Variants in STXBP6 observed in about 807,000 individuals in gnomAD.
STXBP6 encodes syntaxin binding protein 6, also known as syntaxin-binding protein 6.
In STXBP6, 21 loss-of-function variants were observed where a neutral mutation model predicts 26.9. The ratio of observed to expected loss-of-function variants is 0.78; its 90% CI spans 0.55 to 1.12. STXBP6 has a LOEUF of 1.12. Among genes scored for constraint, STXBP6 ranks in the 50% most tolerant of loss-of-function variants. The probability of loss-of-function intolerance (pLI) is 0.00; values close to 1 mark genes in which losing one functional copy is unlikely to be tolerated. For synonymous variants in STXBP6, 97 were observed against 92.6 expected, an observed-to-expected ratio of 1.05 and a Z score of -0.27; for missense variants, 232 against 257.9, an observed-to-expected ratio of 0.90 and a Z score of 0.69.
intron 1 of STXBP6, among the ~76,000 whole-genome samples, chr14:25,015,817 TC>T (rs1487117739): frequency 6.8e-6 from 1 of 147,772 alleles, no homozygotes; most frequent in Admixed American, 6.7e-5. Context: ...AAAAAAAAGC[TC>T]AAACTGCTAC....
At chr14:24,855,876 CT>C in intron 4 of STXBP6, 59 bp downstream of exon 4, 1 of 1,501,504 alleles carries the variant, frequency 6.7e-7, no homozygotes, top group Non-Finnish European at 8.9e-7. Context: ...CTCCTAACTT[CT>C]TAAGTAAAAG....
chr14:25,044,450 GC>G (rs1281088973), intron 1 of STXBP6, among the ~76,000 whole-genome samples: 2 of 152,012 alleles, frequency 1.3e-5, no homozygotes, highest in Admixed American at 1.3e-4. Context: ...GTTTTGATTT[GC>G]ATCCCCCTAA....
intron 1 of STXBP6, among the ~76,000 whole-genome samples, chr14:25,028,835 G>A (rs1479858478): frequency 6.6e-6 from 1 of 152,028 alleles, no homozygotes; most frequent in Non-Finnish European, 1.5e-5. Flanking sequence ...ACATTAACAC[G>A]AGCTTGGAAG....
chr14:24,868,695 T>A (rs2069811491), intron 2 of STXBP6, among the ~76,000 whole-genome samples: 1 of 152,164 alleles, frequency 6.6e-6, no homozygotes, highest in Admixed American at 6.5e-5. Context: ...AAAGAGGTCA[T>A]GGCAGGAGTG....
intron 5 of STXBP6, among the ~76,000 whole-genome samples, chr14:24,814,272 T>C (rs1398614983): frequency 6.6e-6 from 1 of 152,196 alleles, no homozygotes; most frequent in African/African-American, 2.4e-5. Context: ...AGCTCAGATC[T>C]GTACCACTTC....
intron 2 of STXBP6, among the ~76,000 whole-genome samples, chr14:24,940,781 C>T (rs76267121): frequency 0.025 from 3,744 of 152,108 alleles, 78 homozygotes; most frequent in East Asian, 0.11. Flanking sequence ...TTTGGGAGCC[C>T]GAGGCAGGTG....
intron 1 of STXBP6, among the ~76,000 whole-genome samples, chr14:25,008,295 A>C (rs1361643491): frequency 6.6e-6 from 1 of 152,172 alleles, no homozygotes; most frequent in Non-Finnish European, 1.5e-5. Flanking sequence ...CTTGAGTCCA[A>C]GAGTTCAAGA....
intron 2 of STXBP6, among the ~76,000 whole-genome samples, chr14:24,959,644 G>A (rs754551553): frequency 1.3e-5 from 2 of 152,164 alleles, no homozygotes; most frequent in African/African-American, 4.8e-5. Context: ...TCCCAAAAAG[G>A]GTTGGCATAG....
chr14:24,917,933 G>A (rs1445897327), intron 2 of STXBP6, among the ~76,000 whole-genome samples: 4 of 152,042 alleles, frequency 2.6e-5, no homozygotes, highest in African/African-American at 7.2e-5. Context: ...AGTCCTCAAG[G>A]TGAGATGTGT....
At chr14:24,904,507 TC>T (rs974557003) in intron 2 of STXBP6, among the ~76,000 whole-genome samples, 1 of 152,156 alleles carries the variant, frequency 6.6e-6, no homozygotes, top group Non-Finnish European at 1.5e-5. Flanking sequence ...CTAAAGTGTG[TC>T]CCCCCAAAAA....
At chr14:25,035,531 A>G (rs1046107723) in intron 1 of STXBP6, among the ~76,000 whole-genome samples, 6 of 152,246 alleles carry the variant, frequency 3.9e-5, no homozygotes, top group Admixed American at 6.5e-5. Flanking sequence ...ATATAATCTG[A>G]TAAGAAAATG....
At chr14:24,867,868 C>A (rs1317470733) in intron 2 of STXBP6, among the ~76,000 whole-genome samples, 1 of 152,138 alleles carries the variant, frequency 6.6e-6, no homozygotes, top group Non-Finnish European at 1.5e-5. Flanking sequence ...AGATAAGCCA[C>A]AAACTGTGAG....
chr14:24,886,751 A>C (rs2070602460), intron 2 of STXBP6, among the ~76,000 whole-genome samples: 1 of 152,232 alleles, frequency 6.6e-6, no homozygotes, highest in Non-Finnish European at 1.5e-5. Flanking sequence ...CTTGTGCCAC[A>C]TGCATTTTAG....
intron 1 of STXBP6, among the ~76,000 whole-genome samples, chr14:25,030,053 C>A (rs778464327): frequency 1.7e-4 from 26 of 152,180 alleles, no homozygotes; most frequent in Non-Finnish European, 2.4e-4. Flanking sequence ...AGGTTACCAT[C>A]CCATTTTACA....
intron 2 of STXBP6, among the ~76,000 whole-genome samples, chr14:24,941,378 A>G (rs895243477): frequency 6.6e-6 from 1 of 152,228 alleles, no homozygotes; most frequent in African/African-American, 2.4e-5. Flanking sequence ...GAGAAAGAAC[A>G]TGAGAGCTGA....
chr14:24,821,934 A>C (rs2068146804), intron 4 of STXBP6, among the ~76,000 whole-genome samples: 1 of 152,066 alleles, frequency 6.6e-6, no homozygotes, highest in Non-Finnish European at 1.5e-5. Flanking sequence ...CCTCTTGCTC[A>C]AACTGTAATC....
At chr14:24,974,538 C>A in intron 2 of STXBP6, 127 bp downstream of exon 2, 1 of 755,798 alleles carries the variant, frequency 1.3e-6, no homozygotes, top group Non-Finnish European at 1.9e-6. Flanking sequence ...ACCAGAAAAA[C>A]GGGGAAAAGG....
chr14:25,027,608 A>C (rs1234291674), intron 1 of STXBP6, among the ~76,000 whole-genome samples: 1 of 152,212 alleles, frequency 6.6e-6, no homozygotes, highest in Admixed American at 6.5e-5. Flanking sequence ...AATTAGGCCA[A>C]TTAATAATCC....
At chr14:25,026,661 G>A (rs952803893) in intron 1 of STXBP6, among the ~76,000 whole-genome samples, 3 of 152,144 alleles carry the variant, frequency 2.0e-5, no homozygotes, top group Non-Finnish European at 4.4e-5. Flanking sequence ...CACCTTATTT[G>A]CATACATAAC....
Sources: gnomAD v4.1 joint callset for allele counts (sites outside exome capture counted in the v4.1 genomes callset) on GRCh38, gnomAD v4.1.1 for gene constraint, MANE v1.5 for transcripts, NCBI Gene and HGNC (gene_info 2026-07-23, HGNC 2026-07-21) for gene names.